NALF1: variants seen among roughly 807,000 people sequenced by gnomAD.
NALF1 encodes the protein family with sequence similarity 155 member A.
Under a neutral mutation model 48.4 loss-of-function variants are expected in NALF1, and 3 were observed. The observed-to-expected ratio is 0.06, with a 90% CI of 0.03 to 0.16. The LOEUF is 0.16. Ranked by LOEUF, NALF1 falls within the 10% of genes least tolerant of loss-of-function variation. The pLI is 1.00. For synonymous variants in NALF1, 262 were observed against 245.7 expected (o/e 1.07, Z -0.62); for missense variants, 526 against 571.5 (o/e 0.92, Z 0.81).
intron 1 of NALF1, among the ~76,000 whole-genome samples, chr13:107,690,015 G>T (rs1881530766): frequency 6.6e-6 from 1 of 152,202 alleles, no homozygotes; most frequent in Admixed American, 6.5e-5. Flanking sequence ...TAAGAAAGGA[G>T]CTAAATGTAT....
At chr13:107,503,197 G>T (rs1282331206) in intron 1 of NALF1, among the ~76,000 whole-genome samples, 1 of 152,196 alleles carries the variant, frequency 6.6e-6, no homozygotes, top group East Asian at 1.9e-4. Context: ...ATTTGAAACT[G>T]TGGCCTTTGC....
At chr13:107,481,636 T>G (rs2139061408) in intron 1 of NALF1, among the ~76,000 whole-genome samples, 1 of 152,228 alleles carries the variant, frequency 6.6e-6, no homozygotes, top group African/African-American at 2.4e-5. Flanking sequence ...GACACAATGC[T>G]TTCTGCCCGA....
At position 107,845,653 on chromosome 13, in the gene NALF1, T is replaced by C. The variant is rs978186; in HGVS notation, c.915+20029A>G. ...ATAGAGATAATGCAATTGAGAATAA[T>C]CTCTCAGATCTCGGGATCCTTTAAC... On this transcript the variant is annotated intron_variant, in intron 1 of 2. Transcript: ENST00000375915. Among the ~76,000 whole-genome samples, 50 of 152,306 alleles carry C rather than the reference T, an allele frequency of 3.3e-4. No homozygotes were observed. The East Asian group carries it at 7.1e-3, about 22-fold the overall frequency.
At chr13:107,457,047 C>T (rs1299501160) in intron 1 of NALF1, among the ~76,000 whole-genome samples, 1 of 152,092 alleles carries the variant, frequency 6.6e-6, no homozygotes, top group Non-Finnish European at 1.5e-5. Flanking sequence ...AGTTAGAACA[C>T]TGGTAACATG....
At chr13:107,819,348 A>G (rs928771767) in intron 1 of NALF1, among the ~76,000 whole-genome samples, 3 of 152,196 alleles carry the variant, frequency 2.0e-5, no homozygotes, top group Admixed American at 6.5e-5. Flanking sequence ...CAAATTAATG[A>G]TTACATGACT....
At chr13:107,603,938 G>C (rs978425623) in intron 1 of NALF1, among the ~76,000 whole-genome samples, 2 of 152,178 alleles carry the variant, frequency 1.3e-5, no homozygotes, top group African/African-American at 4.8e-5. Flanking sequence ...ACACATACCA[G>C]TCACGTGCAG....
intron 2 of NALF1, among the ~76,000 whole-genome samples, chr13:107,198,889 T>C (rs1339815849): frequency 6.6e-6 from 1 of 152,194 alleles, no homozygotes; most frequent in Non-Finnish European, 1.5e-5. Flanking sequence ...ATTTCCCCTT[T>C]TTATACGCTG....
intron 1 of NALF1, among the ~76,000 whole-genome samples, chr13:107,850,267 A>G (rs1452242573): frequency 6.6e-6 from 1 of 151,938 alleles, no homozygotes; most frequent in African/African-American, 2.4e-5. Context: ...GTCTCTCCAC[A>G]TATCAAATTA....
At chr13:107,778,730 C>T (rs1877807134) in intron 1 of NALF1, among the ~76,000 whole-genome samples, 1 of 152,078 alleles carries the variant, frequency 6.6e-6, no homozygotes, top group African/African-American at 2.4e-5. Flanking sequence ...TATTCAAAGG[C>T]CCCATGACTC....
At chr13:107,832,611 A>G (rs1431248479) in intron 1 of NALF1, among the ~76,000 whole-genome samples, 1 of 152,110 alleles carries the variant, frequency 6.6e-6, no homozygotes, top group African/African-American at 2.4e-5. Flanking sequence ...TCACTTGCCT[A>G]CATTGGAAGG....
intron 1 of NALF1, among the ~76,000 whole-genome samples, chr13:107,568,578 G>C (rs1287575665): frequency 3.9e-5 from 6 of 152,158 alleles, no homozygotes; most frequent in African/African-American, 1.4e-4. Flanking sequence ...CACTATATGA[G>C]AGATCCATTT....
At chr13:107,829,207 T>G (rs1879631122) in intron 1 of NALF1, among the ~76,000 whole-genome samples, 1 of 152,240 alleles carries the variant, frequency 6.6e-6, no homozygotes, top group African/African-American at 2.4e-5. Context: ...GAGAATGACA[T>G]GGATGTGAAA....
chr13:107,791,641 G>A (rs890698992), intron 1 of NALF1, among the ~76,000 whole-genome samples: 1 of 152,078 alleles, frequency 6.6e-6, no homozygotes, highest in Admixed American at 6.6e-5. Context: ...ATAATGTTGT[G>A]AACAAATAAT....
At chr13:107,578,004 A>G (rs768208246) in intron 1 of NALF1, among the ~76,000 whole-genome samples, 1 of 152,152 alleles carries the variant, frequency 6.6e-6, no homozygotes, top group Non-Finnish European at 1.5e-5. Flanking sequence ...ATTCATCTAA[A>G]AGTATCTCCT....
chr13:107,624,650 G>C (rs1879617270), intron 1 of NALF1, among the ~76,000 whole-genome samples: 1 of 152,136 alleles, frequency 6.6e-6, no homozygotes, highest in African/African-American at 2.4e-5. Context: ...AATTTTTGCT[G>C]TGAAACTTTT....
chr13:107,668,685 T>A (rs572571448), intron 1 of NALF1, among the ~76,000 whole-genome samples: 3 of 152,210 alleles, frequency 2.0e-5, no homozygotes, highest in Non-Finnish European at 4.4e-5. Flanking sequence ...CAGGAGCAAC[T>A]CTGTCCTATG....
intron 1 of NALF1, among the ~76,000 whole-genome samples, chr13:107,274,508 G>C (rs190643419): frequency 1.1e-3 from 171 of 152,278 alleles, no homozygotes; most frequent in Middle Eastern, 0.01. Flanking sequence ...GCTGCAGTGA[G>C]CTATGTTCGT....
intron 1 of NALF1, among the ~76,000 whole-genome samples, chr13:107,852,045 T>C (rs1406550208): frequency 5.9e-5 from 9 of 151,688 alleles, no homozygotes; most frequent in Admixed American, 5.9e-4. Context: ...CAAACAATCC[T>C]CCTGCCTCAG....
At chr13:107,855,647 G>A (rs563165745) in intron 1 of NALF1, among the ~76,000 whole-genome samples, 15 of 152,262 alleles carry the variant, frequency 9.9e-5, no homozygotes, top group South Asian at 8.3e-4. Flanking sequence ...AAAGACTTGC[G>A]GCACAGTGAG....
Sources: gnomAD v4.1 joint callset for allele counts (sites outside exome capture counted in the v4.1 genomes callset) on GRCh38, gnomAD v4.1.1 for gene constraint, MANE v1.5 for transcripts, NCBI Gene and HGNC (gene_info 2026-07-23, HGNC 2026-07-21) for gene names.